BCAS3: variants seen among roughly 807,000 people sequenced by gnomAD.
BCAS3 encodes the protein BCAS4/BCAS3 fusion.
A neutral mutation model predicts 116.1 loss-of-function variants in BCAS3; 53 were observed. That is an observed-to-expected ratio of 0.46 (90% CI 0.37 to 0.57). The LOEUF (loss-of-function observed/expected upper bound fraction) is 0.57. Among genes scored for constraint, BCAS3 ranks in the 20% least tolerant of loss-of-function variants. BCAS3 has a pLI of 0.00. For synonymous variants in BCAS3, 391 were observed against 408.2 expected, an observed-to-expected ratio of 0.96 and a Z score of 0.51; for missense variants, 917 against 1,165.4, an observed-to-expected ratio of 0.79 and a Z score of 3.10.
At position 61,134,915 on chromosome 17, in the gene BCAS3, A is replaced by G. The variant is rs2076538222; in HGVS notation, c.2425+50351A>G. On this transcript the variant is annotated intron_variant, in intron 22 of 23. Transcript: ENST00000407086. This position sits in a 1 kb window ranked among gnomAD's most constrained non-coding sequence, Gnocchi z 4.6. Reference sequence around the variant, plus strand: ...GTTTTGTTTTTTTTTGAAATAAAACATTTGTACAAGTCAGTAAAAGTGATA... The same window carrying G: ...GTTTTGTTTTTTTTTGAAATAAAACGTTTGTACAAGTCAGTAAAAGTGATA... Among the ~76,000 whole-genome samples the G allele has an allele frequency of 6.6e-6, 1 of 152,144 alleles. No individual in the cohort carries two copies.
Position 61,372,702 on chromosome 17 carries a change from G to A in BCAS3, c.2593+4208G>A, listed in dbSNP as rs540595916. Among the ~76,000 whole-genome samples the A allele has an allele frequency of 8.5e-5, 13 of 152,278 alleles. No homozygotes were observed. In the South Asian group the frequency reaches 2.7e-3, roughly 32 times the overall value. ...CGAGCATACGCAGTCTCTTGCCCGC[G>A]AGGCTTCTGTGCATACTTTTCCTTT... On this transcript the variant is annotated intron_variant, in intron 23 of 23. Coordinates refer to ENST00000407086, the MANE Select transcript of BCAS3 (RefSeq NM_017679.5).
chr17:60,888,527 A>T lies in BCAS3; in HGVS notation c.662-1168A>T, dbSNP rs551328389. Among the ~76,000 whole-genome samples, 26 of 152,334 alleles carry T rather than the reference A, an allele frequency of 1.7e-4. 1 individual carries two copies. In the South Asian group the frequency reaches 5.4e-3, roughly 32 times the overall value. ...TAAAATTATATTTTTAATGAATAAG[A>T]TTAATCTATTCAATGGTCTAATCTA... On this transcript the variant is annotated intron_variant, in intron 9 of 23. Coordinates refer to ENST00000407086, the MANE Select transcript of BCAS3 (RefSeq NM_017679.5).
At chr17:61,269,306 G>A (rs2050031852) in intron 22 of BCAS3, among the ~76,000 whole-genome samples, 1 of 151,412 alleles carries the variant, frequency 6.6e-6, no homozygotes, top group African/African-American at 2.4e-5. Context: ...GTAGAGATGG[G>A]GTTTCTCCAT....
rs542573289 is a variant in BCAS3, at chr17:61,290,547, C to T, written c.2426-77780C>T. Reference sequence around the variant, plus strand: ...TAAAATATTAAATCACCAATTATAGCTTTTTAATTTATACTTTCAGAGAGA... The same window carrying T: ...TAAAATATTAAATCACCAATTATAGTTTTTTAATTTATACTTTCAGAGAGA... On this transcript the variant is annotated intron_variant, in intron 22 of 23. Transcript: ENST00000407086. Among the ~76,000 whole-genome samples, 19 of 152,184 alleles carry T rather than the reference C, an allele frequency of 1.2e-4. 1 individual carries two copies. In the South Asian group the frequency reaches 3.7e-3, roughly 30 times the overall value.
chr17:61,268,606 A>ATT (rs1175356416), intron 22 of BCAS3, among the ~76,000 whole-genome samples: 4 of 151,664 alleles, frequency 2.6e-5, no homozygotes. Flanking sequence ...TTTTTGAGAC[A>ATT]CAGCCTCATT....
chr17:60,770,907 G>A (rs2044635275), intron 6 of BCAS3, among the ~76,000 whole-genome samples: 1 of 141,908 alleles, frequency 7.0e-6, no homozygotes, highest in Non-Finnish European at 1.5e-5. Flanking sequence ...GAGGGCAGTG[G>A]CACGATCTTG....
intron 6 of BCAS3, among the ~76,000 whole-genome samples, chr17:60,789,405 G>A (rs956565506): frequency 2.6e-5 from 4 of 152,100 alleles, no homozygotes; most frequent in Admixed American, 6.6e-5. Flanking sequence ...ATTTTGTTGC[G>A]TGGGAGAGGA....
chr17:60,965,325 G>C (rs960367250), intron 14 of BCAS3, among the ~76,000 whole-genome samples: 1 of 150,182 alleles, frequency 6.7e-6, no homozygotes, highest in Non-Finnish European at 1.5e-5. Flanking sequence ...GAGTTCAAGT[G>C]ATTCTCCTGC....
rs888942897 is a variant in BCAS3 at position 61,332,617 on chromosome 17, ATTTTT to A, written c.2426-35705_2426-35701del. The stretch of plus-strand genomic sequence containing the variant: ...ATTATTATCCCCATCTTTTATTATT[ATTTTT>A]TTTTATTTTTTGAGATAGAGTCTTG... On this transcript the variant is annotated intron_variant, in intron 22 of 23. Coordinates refer to ENST00000407086, the MANE Select transcript of BCAS3 (RefSeq NM_017679.5). This position sits in a 1 kb window ranked among gnomAD's most constrained non-coding sequence, Gnocchi z 5.4. Among the ~76,000 whole-genome samples, 1 of 151,266 alleles carries A rather than the reference ATTTTT, an allele frequency of 6.6e-6. No homozygotes were observed. The highest frequency in any genetic ancestry group is 1.5e-5 in the Non-Finnish European group (1 of 67,832).
chr17:61,308,237 T>C (rs1313809677), intron 22 of BCAS3, among the ~76,000 whole-genome samples: 5 of 152,140 alleles, frequency 3.3e-5, no homozygotes, highest in African/African-American at 4.8e-5. Flanking sequence ...GTTTACAGCA[T>C]TTCATTTTAC....
chr17:60,731,415 G>A (rs1255089027), intron 5 of BCAS3, among the ~76,000 whole-genome samples: 1 of 152,166 alleles, frequency 6.6e-6, no homozygotes, highest in Non-Finnish European at 1.5e-5. Context: ...GTTTCGCCAT[G>A]TTGGCCAGGC....
chr17:60,957,661 A>G (rs1205263977), intron 14 of BCAS3, among the ~76,000 whole-genome samples: 1 of 152,192 alleles, frequency 6.6e-6, no homozygotes, highest in Non-Finnish European at 1.5e-5. Context: ...CCACTTATCC[A>G]TTAGCAGTCA....
At chr17:60,840,094 A>G (rs1440053609) in intron 7 of BCAS3, among the ~76,000 whole-genome samples, 2 of 152,134 alleles carry the variant, frequency 1.3e-5, no homozygotes, top group African/African-American at 4.8e-5. Context: ...AAGAATGGCT[A>G]TGATTCTAAG....
In BCAS3 at chr17:61,388,654, C is replaced by G. The variant is rs1301762117; in HGVS notation, c.2594-3323C>G. On this transcript the variant is annotated intron_variant, in intron 23 of 23. Transcript: ENST00000407086. This position sits in a 1 kb window ranked among gnomAD's most constrained non-coding sequence, Gnocchi z 6.5. ...GGAAAAAAAAAACAATGCCAACAGCCCAGCGTCCGTGAGCAACCCAACAGT... is the reference window on the plus strand; with the variant it reads ...GGAAAAAAAAAACAATGCCAACAGCGCAGCGTCCGTGAGCAACCCAACAGT... The G allele has an allele frequency of 6.5e-7, 1 of 1,544,774 alleles. No individual in the cohort carries two copies. The highest frequency in any genetic ancestry group is 8.7e-7 in the Non-Finnish European group (1 of 1,152,494).
intron 22 of BCAS3, among the ~76,000 whole-genome samples, chr17:61,357,964 T>C (rs892772639): frequency 1.3e-5 from 2 of 151,960 alleles, no homozygotes; most frequent in African/African-American, 4.8e-5. Flanking sequence ...GGCACATGCC[T>C]GTAATCCCAG....
rs565333826 is a variant in BCAS3 at position 61,139,081 on chromosome 17, G to C, written c.2425+54517G>C. Among the ~76,000 whole-genome samples the C allele has an allele frequency of 7.2e-5, 11 of 152,164 alleles. No individual in the cohort carries two copies. The East Asian group carries it at 1.7e-3, about 24-fold the overall frequency. On this transcript the variant is annotated intron_variant, in intron 22 of 23. Coordinates refer to ENST00000407086, the MANE Select transcript of BCAS3 (RefSeq NM_017679.5). This position sits in a 1 kb window ranked among gnomAD's most constrained non-coding sequence, Gnocchi z 4.7. ...TCTAGAAAAAATTAGAGACAGAGAT[G>C]AATTTTTTATTCTTGGATTTTCAAG...
rs1208839642 is a variant in BCAS3 at position 61,333,980 on chromosome 17, T to TATTC, written c.2426-34329_2426-34326dup. Among the ~76,000 whole-genome samples the TATTC allele has an allele frequency of 4.6e-5, 7 of 152,186 alleles. No homozygotes were observed. The highest frequency in any genetic ancestry group is 1.9e-4 in the East Asian group (1 of 5,198). On this transcript the variant is annotated intron_variant, in intron 22 of 23. Coordinates refer to ENST00000407086, the MANE Select transcript of BCAS3 (RefSeq NM_017679.5). This position sits in a 1 kb window ranked among gnomAD's most constrained non-coding sequence, Gnocchi z 4.8. ...ATTGAGAGATGAGTCAGCATTCATA[T>TATTC]ATTCATTCATTCATTCATTCAGATA...
chr17:60,823,597 A>G (rs1374250007), intron 7 of BCAS3, among the ~76,000 whole-genome samples: 1 of 152,152 alleles, frequency 6.6e-6, no homozygotes, highest in Non-Finnish European at 1.5e-5. Flanking sequence ...GGAGAGAGAA[A>G]GGGAGAAAAT....
chr17:60,748,885 G>T (rs1239678719), intron 6 of BCAS3: 1 of 152,000 alleles, frequency 6.6e-6, no homozygotes, highest in East Asian at 1.9e-4. Flanking sequence ...GTTATGATTT[G>T]AACAAATTAC....
Sources: gnomAD v4.1 joint callset for allele counts (sites outside exome capture counted in the v4.1 genomes callset) on GRCh38, gnomAD v4.1.1 for gene constraint, Gnocchi (gnomAD v3.1) non-coding constraint, MANE v1.5 for transcripts, NCBI Gene and HGNC (gene_info 2026-07-23, HGNC 2026-07-21) for gene names.